AGTPBP1: variants seen among roughly 807,000 people sequenced by gnomAD.
AGTPBP1 encodes the protein cytosolic carboxypeptidase 1.
A neutral mutation model predicts 143.9 loss-of-function variants in AGTPBP1; 70 were observed. The observed-to-expected ratio is 0.49, with a 90% CI of 0.40 to 0.59. The LOEUF (loss-of-function observed/expected upper bound fraction) is 0.59, where lower values mean the gene tolerates loss of function less well. AGTPBP1 is among the 20% of genes least tolerant of loss of function. The probability of loss-of-function intolerance (pLI) is 0.00; values close to 1 mark genes in which losing one functional copy is unlikely to be tolerated. For synonymous variants in AGTPBP1, 463 were observed against 500.2 expected, an observed-to-expected ratio of 0.93 and a Z score of 0.99; for missense variants, 1,229 against 1,464.5, an observed-to-expected ratio of 0.84 and a Z score of 2.62.
intron 3 of AGTPBP1, among the ~76,000 whole-genome samples, chr9:85,682,179 A>G (rs1034059816): frequency 1.0e-4 from 15 of 145,038 alleles, no homozygotes; most frequent in African/African-American, 3.8e-4. Flanking sequence ...GGTTAAAAAA[A>G]AAAAAAAAAA....
intron 2 of AGTPBP1, among the ~76,000 whole-genome samples, chr9:85,703,510 A>G (rs1836801078): frequency 6.6e-6 from 1 of 152,262 alleles, no homozygotes; most frequent in Non-Finnish European, 1.5e-5. Context: ...ATTCACTGGT[A>G]GCCTGGATGA....
chr9:85,672,683 T>A lies in AGTPBP1; in HGVS notation c.437-2A>T. On this transcript the variant is annotated splice_acceptor_variant, in intron 6 of 25. Transcript: ENST00000357081. LOFTEE classifies it high-confidence loss of function. ...TAGCCTTTACTCCAAATTTTTTATCTGTTTAAAAAAAAAAAAGACAATTTA... is the reference window on the plus strand; with the variant it reads ...TAGCCTTTACTCCAAATTTTTTATCAGTTTAAAAAAAAAAAAGACAATTTA... 6.4e-7 allele frequency: 1 copy of A among 1,570,096 alleles called. No individual in the cohort carries two copies.
chr9:85,786,424 T>A, the AGTPBP1 span: 1 of 1,613,978 alleles, frequency 6.2e-7, no homozygotes, highest in South Asian at 1.1e-5. Flanking sequence ...TGGGACGACT[T>A]CATGGTGTCA....
At chr9:85,674,485 C>T (rs991587968) in intron 6 of AGTPBP1, among the ~76,000 whole-genome samples, 4 of 151,850 alleles carry the variant, frequency 2.6e-5, no homozygotes, top group Admixed American at 1.3e-4. Flanking sequence ...TAACAATACT[C>T]ATCAATAAAT....
At chr9:85,791,298 C>T in the AGTPBP1 span, among the ~76,000 whole-genome samples, 1 of 151,454 alleles carries the variant, frequency 6.6e-6, no homozygotes, top group Non-Finnish European at 1.5e-5. Context: ...TGCTTGTACT[C>T]ATGAGGCAGA....
At chr9:85,625,646 G>T (rs890660654) in intron 14 of AGTPBP1, among the ~76,000 whole-genome samples, 5 of 151,828 alleles carry the variant, frequency 3.3e-5, no homozygotes, top group African/African-American at 9.7e-5. Flanking sequence ...AGCACTTTGG[G>T]AGGCTGAGGT....
At position 85,617,420 on chromosome 9, in the gene AGTPBP1, C is replaced by G. The variant is rs943371360; in HGVS notation, c.2335+1563G>C. Among the ~76,000 whole-genome samples the G allele has an allele frequency of 2.0e-5, 3 of 152,112 alleles. No individual in the cohort carries two copies. In the East Asian group the frequency reaches 5.8e-4, roughly 29 times the overall value. On this transcript the variant is annotated intron_variant, in intron 17 of 25. Transcript: ENST00000357081. Reference sequence around the variant, plus strand: ...TTACACAATAAGATTGCCATTATAACATTAATACTTGAAACTTGATGCTTC... The same window carrying G: ...TTACACAATAAGATTGCCATTATAAGATTAATACTTGAAACTTGATGCTTC...
chr9:85,795,320 G>A, the AGTPBP1 span, among the ~76,000 whole-genome samples: 2 of 152,142 alleles, frequency 1.3e-5, no homozygotes, highest in African/African-American at 4.8e-5. Flanking sequence ...GCTATATACT[G>A]TATTTTAAAG....
At chr9:85,794,805 A>G in the AGTPBP1 span, among the ~76,000 whole-genome samples, 5,124 of 152,012 alleles carry the variant, frequency 0.034, 121 homozygotes, top group Non-Finnish European at 0.055. Flanking sequence ...TCTTTTAACC[A>G]TGTTTTTTAG....
In AGTPBP1 at chr9:85,605,782, CT is replaced by C. The variant is rs1051866019; in HGVS notation, c.2336-9334del. 4.1e-4 allele frequency among the ~76,000 whole-genome samples: 62 copies of C among 151,950 alleles called. 1 individual carries two copies. Among genetic ancestry groups the C allele is most frequent in the African/African-American group, 1.5e-3 (61 of 41,504 alleles). ...AAAGTATAGAGTTTTTATTAGTTTC[CT>C]TTTTACTTGTTTGTTAATGTTTGTT... On this transcript the variant is annotated intron_variant, in intron 17 of 25. Coordinates refer to ENST00000357081, the MANE Select transcript of AGTPBP1 (RefSeq NM_001330701.2).
chr9:85,665,997 GTAGT>G (rs1385499279), intron 8 of AGTPBP1, among the ~76,000 whole-genome samples: 1 of 152,072 alleles, frequency 6.6e-6, no homozygotes, highest in East Asian at 1.9e-4. Flanking sequence ...TGCATAGTTT[GTAGT>G]TAATTAATTA....
At chr9:85,739,458 C>A (rs1824071069) in intron 1 of AGTPBP1, among the ~76,000 whole-genome samples, 1 of 152,276 alleles carries the variant, frequency 6.6e-6, no homozygotes, top group Non-Finnish European at 1.5e-5. Flanking sequence ...CCTGTAATCC[C>A]AGGACTTTGG....
At chr9:85,592,833 C>A in intron 18 of AGTPBP1, 129 bp from the exon 19 acceptor site, 2 of 1,089,492 alleles carry the variant, frequency 1.8e-6, no homozygotes, top group Admixed American at 2.4e-5. Flanking sequence ...AACTTAAATA[C>A]CCTATTTTAA....
At chr9:85,785,760 T>C in the AGTPBP1 span, 2 of 171,166 alleles carry the variant, frequency 1.2e-5, no homozygotes, top group Non-Finnish European at 2.5e-5. Context: ...GATTTAGAAT[T>C]CACTAGTAGC....
chr9:85,762,321 C>T, the AGTPBP1 span, among the ~76,000 whole-genome samples: 1 of 152,110 alleles, frequency 6.6e-6, no homozygotes, highest in South Asian at 2.1e-4. Flanking sequence ...CACATGCACA[C>T]ATATGTTTAT....
rs539335941 is a variant in AGTPBP1, at chr9:85,654,796, T to C, written c.1087+347A>G. ...AGGCAGAGGTTGCAGTGAGCCGAGATTGCACCACTGCACTCCACCCTGGGC... is the reference window on the plus strand; with the variant it reads ...AGGCAGAGGTTGCAGTGAGCCGAGACTGCACCACTGCACTCCACCCTGGGC... On this transcript the variant is annotated intron_variant, in intron 11 of 25. Coordinates refer to ENST00000357081, the MANE Select transcript of AGTPBP1 (RefSeq NM_001330701.2). Among the ~76,000 whole-genome samples, 12 of 151,924 alleles carry C rather than the reference T, an allele frequency of 7.9e-5. No individual in the cohort carries two copies. In the South Asian group the frequency reaches 8.3e-4, roughly 11 times the overall value.
chr9:85,612,654 C>A (rs1830382476), intron 17 of AGTPBP1, among the ~76,000 whole-genome samples: 1 of 152,102 alleles, frequency 6.6e-6, no homozygotes, highest in Non-Finnish European at 1.5e-5. Flanking sequence ...ACCTGGGGAC[C>A]CACTACTTTT....
At chr9:85,563,019 A>G (rs1168347437) in intron 25 of AGTPBP1, among the ~76,000 whole-genome samples, 2 of 152,312 alleles carry the variant, frequency 1.3e-5, no homozygotes, top group East Asian at 3.9e-4. Flanking sequence ...ACTGTCTATC[A>G]AAGAACAAGG....
At chr9:85,619,167 A>G in intron 16 of AGTPBP1, 36 bp from the exon 17 acceptor site, 1 of 1,610,612 alleles carries the variant, frequency 6.2e-7, no homozygotes, top group South Asian at 1.1e-5. Context: ...GATGAAAATT[A>G]GGAAATATCT....
Sources: gnomAD v4.1 joint callset for allele counts (sites outside exome capture counted in the v4.1 genomes callset) on GRCh38, gnomAD v4.1.1 for gene constraint, MANE v1.5 for transcripts, NCBI Gene and HGNC (gene_info 2026-07-23, HGNC 2026-07-21) for gene names.